TAB2: variants seen among roughly 807,000 people sequenced by gnomAD.
TAB2 encodes TGF-beta-activated kinase 1 and MAP3K7-binding protein 2.
A neutral mutation model predicts 65.0 loss-of-function variants in TAB2; 3 were observed. The ratio of observed to expected loss-of-function variants is 0.05; its 90% CI spans 0.02 to 0.12. TAB2 has a LOEUF of 0.12. Among genes scored for constraint, TAB2 ranks in the 10% least tolerant of loss-of-function variants. The pLI is 1.00. For synonymous variants in TAB2, 298 were observed against 285.1 expected (o/e 1.05, Z -0.46); for missense variants, 623 against 840.3 (o/e 0.74, Z 3.20).
chr6:149,254,587 G>A (rs1777966894), intron 1 of TAB2, among the ~76,000 whole-genome samples: 2 of 152,204 alleles, frequency 1.3e-5, no homozygotes, highest in South Asian at 2.1e-4. Context: ...CTCACAGGGA[G>A]CTTCACATGG....
At chr6:149,368,257 T>C (rs1368553545) in intron 1 of TAB2, among the ~76,000 whole-genome samples, 1 of 151,994 alleles carries the variant, frequency 6.6e-6, no homozygotes, top group Non-Finnish European at 1.5e-5. Flanking sequence ...GTTGAATGGG[T>C]CCTGAGCTAC....
At chr6:149,285,808 T>A (rs1055285638) in intron 1 of TAB2, among the ~76,000 whole-genome samples, 3 of 152,306 alleles carry the variant, frequency 2.0e-5, no homozygotes, top group Non-Finnish European at 2.9e-5. Flanking sequence ...CAGAAGCACC[T>A]GGAGGACTTG....
chr6:149,252,821 T>C (rs1777888211), intron 1 of TAB2, among the ~76,000 whole-genome samples: 2 of 152,162 alleles, frequency 1.3e-5, no homozygotes, highest in South Asian at 2.1e-4. Context: ...TGTTGGCCAA[T>C]AAAATGAGAA....
intron 1 of TAB2, among the ~76,000 whole-genome samples, chr6:149,267,121 C>T (rs1257464609): frequency 1.3e-5 from 2 of 152,052 alleles, no homozygotes; most frequent in Admixed American, 6.5e-5. Flanking sequence ...GAATGAAATG[C>T]GTGCCTGTGA....
chr6:149,317,405 G>GGCCGCA (rs1009560536), upstream of TAB2: 55 of 116,674 alleles, frequency 4.7e-4, no homozygotes, highest in African/African-American at 1.9e-3. The surrounding 1 kb of genome is among the most constrained non-coding windows in gnomAD (Gnocchi z 4.7). Context: ...AGCATCCCCG[G>GGCCGCA]GCCGCAGCCG....
intron 1 of TAB2, among the ~76,000 whole-genome samples, chr6:149,282,783 G>A (rs1457903601): frequency 1.3e-5 from 2 of 152,142 alleles, no homozygotes; most frequent in Non-Finnish European, 2.9e-5. Flanking sequence ...AGCTATGATT[G>A]AGTCACATGA....
At chr6:149,360,293 G>C (rs953090819) in intron 1 of TAB2, among the ~76,000 whole-genome samples, 4 of 152,176 alleles carry the variant, frequency 2.6e-5, no homozygotes, top group Non-Finnish European at 5.9e-5. Context: ...GGTTTAATTG[G>C]CTCCTAGTTC....
Position 149,229,675 on chromosome 6 carries a change from G to A in TAB2, c.-121+10899G>A, listed in dbSNP as rs367864632. Among the ~76,000 whole-genome samples the A allele has an allele frequency of 1.7e-3, 255 of 152,176 alleles. 1 individual carries two copies. The highest frequency in any genetic ancestry group is 5.9e-3 in the African/African-American group (246 of 41,500). ...CAGCAGGGCCGGGATCTGGGGACCT[G>A]GTGGGCACTGTGGACACTCAGACTC... On this transcript the variant is annotated intron_variant, in intron 1 of 1. Coordinates refer to the TAB2 transcript ENST00000606202.
At chr6:149,376,749 G>A (rs1404254827) in intron 2 of TAB2, among the ~76,000 whole-genome samples, 1 of 152,114 alleles carries the variant, frequency 6.6e-6, no homozygotes, top group Non-Finnish European at 1.5e-5. Flanking sequence ...GAAAAGTTTG[G>A]TTTTATATGT....
intron 1 of TAB2, among the ~76,000 whole-genome samples, chr6:149,367,162 G>A (rs1483701264): frequency 1.3e-5 from 2 of 152,042 alleles, no homozygotes; most frequent in African/African-American, 2.4e-5. Flanking sequence ...GGGATGGAGA[G>A]ATAATAAAAT....
At chr6:149,342,477 G>A (rs1297902934) in intron 1 of TAB2, among the ~76,000 whole-genome samples, 1 of 152,222 alleles carries the variant, frequency 6.6e-6, no homozygotes, top group Admixed American at 6.5e-5. Flanking sequence ...TTCCAGAATA[G>A]TGTTGGGTAG....
At chr6:149,306,050 G>A (rs1202548874) in intron 1 of TAB2, among the ~76,000 whole-genome samples, 2 of 152,178 alleles carry the variant, frequency 1.3e-5, no homozygotes, top group African/African-American at 2.4e-5. Context: ...TAAGATGAAG[G>A]GAAAGAAGTG....
intron 6 of TAB2, among the ~76,000 whole-genome samples, chr6:149,407,657 C>A (rs1782710587): frequency 6.6e-6 from 1 of 151,948 alleles, no homozygotes; most frequent in Non-Finnish European, 1.5e-5. Context: ...GAAGTCAGTT[C>A]TGCTTCATAA....
At chr6:149,326,883 A>G (rs1276626185) in intron 1 of TAB2, among the ~76,000 whole-genome samples, 1 of 152,132 alleles carries the variant, frequency 6.6e-6, no homozygotes, top group East Asian at 1.9e-4. Flanking sequence ...CAGAAATTTG[A>G]TTTTTGTTTT....
chr6:149,321,586 A>G (rs1779457094), intron 1 of TAB2, among the ~76,000 whole-genome samples: 1 of 152,182 alleles, frequency 6.6e-6, no homozygotes, highest in Admixed American at 6.5e-5. Flanking sequence ...GGAAAAGAAA[A>G]AGATGCCAGA....
chr6:149,327,486 G>A (rs1326073993), intron 1 of TAB2, among the ~76,000 whole-genome samples: 1 of 152,160 alleles, frequency 6.6e-6, no homozygotes, highest in African/African-American at 2.4e-5. Flanking sequence ...ATTTTTAAAA[G>A]GCAATTAGTG....
upstream of TAB2, among the ~76,000 whole-genome samples, chr6:149,314,342 A>G (rs1010891031): frequency 6.6e-6 from 1 of 152,176 alleles, no homozygotes; most frequent in Non-Finnish European, 1.5e-5. Flanking sequence ...CCTAATGCCT[A>G]GAGAACAGTC....
chr6:149,380,710 C>T (rs1208370625), intron 3 of TAB2, among the ~76,000 whole-genome samples: 1 of 152,190 alleles, frequency 6.6e-6, no homozygotes, highest in Admixed American at 6.5e-5. Flanking sequence ...TGCAGTGAAT[C>T]ATTTCATGTA....
chr6:149,331,020 A>G (rs758433876), intron 1 of TAB2, among the ~76,000 whole-genome samples: 6 of 152,072 alleles, frequency 3.9e-5, no homozygotes, highest in Non-Finnish European at 7.4e-5. Context: ...TTTGATTACT[A>G]TTGCTATATA....
Sources: allele counts gnomAD v4.1 joint callset (sites outside exome capture counted in the v4.1 genomes callset), GRCh38; gene constraint gnomAD v4.1.1; non-coding constraint Gnocchi (gnomAD v3.1); transcripts MANE v1.5; gene names NCBI Gene and HGNC (gene_info 2026-07-23, HGNC 2026-07-21).